The following DSCAM variants were observed in gnomAD, a reference collection of about 807,000 sequenced individuals.
DSCAM encodes DS cell adhesion molecule, also known as cell adhesion molecule DSCAM.
Under a neutral mutation model 217.7 loss-of-function variants are expected in DSCAM, and 47 were observed. That is an observed-to-expected ratio of 0.22 (90% CI 0.17 to 0.28). The LOEUF (loss-of-function observed/expected upper bound fraction) is 0.28, where lower values mean the gene tolerates loss of function less well. Among genes scored for constraint, DSCAM ranks in the 10% least tolerant of loss-of-function variants. The pLI is 1.00. For missense variants in DSCAM, 2,080 were observed against 2,618.3 expected, an observed-to-expected ratio of 0.79 and a Z score of 4.49; for synonymous variants, 1,056 against 1,015.3, an observed-to-expected ratio of 1.04 and a Z score of -0.76.
chr21:40,194,393 A>T (rs1198306842), intron 11 of DSCAM, among the ~76,000 whole-genome samples: 1 of 152,208 alleles, frequency 6.6e-6, no homozygotes, highest in Non-Finnish European at 1.5e-5. Context: ...ATGCCTAGAG[A>T]TGACAACATG....
At chr21:40,644,234 A>G (rs1176543526) in intron 3 of DSCAM, among the ~76,000 whole-genome samples, 4 of 152,340 alleles carry the variant, frequency 2.6e-5, no homozygotes, top group Admixed American at 2.6e-4. Flanking sequence ...CTTTCAAATA[A>G]AAGAGTACAA....
intron 27 of DSCAM, among the ~76,000 whole-genome samples, chr21:40,072,826 T>A (rs553632646): frequency 6.6e-6 from 1 of 152,312 alleles, no homozygotes. Flanking sequence ...AACCTTTGTG[T>A]TGGATTTACC....
chr21:40,734,385 A>C (rs2146531098), intron 1 of DSCAM, among the ~76,000 whole-genome samples: 1 of 152,332 alleles, frequency 6.6e-6, no homozygotes. Context: ...AGAAGGACCC[A>C]CAGCACATGG....
chr21:40,287,144 T>G (rs952494505), intron 10 of DSCAM, among the ~76,000 whole-genome samples: 1 of 151,790 alleles, frequency 6.6e-6, no homozygotes, highest in Non-Finnish European at 1.5e-5. Flanking sequence ...ATCTGCAGCA[T>G]GATCCACAGT....
intron 1 of DSCAM, among the ~76,000 whole-genome samples, chr21:40,740,866 T>C (rs2091116778): frequency 6.6e-6 from 1 of 152,236 alleles, no homozygotes; most frequent in African/African-American, 2.4e-5. Flanking sequence ...TAACAGAAGT[T>C]GATAATGATG....
intron 3 of DSCAM, among the ~76,000 whole-genome samples, chr21:40,652,948 C>T (rs1251820447): frequency 6.6e-6 from 1 of 152,068 alleles, no homozygotes; most frequent in Non-Finnish European, 1.5e-5. Context: ...GTGACTAACC[C>T]CTAATGAAAA....
chr21:40,065,154 G>A (rs2065315), intron 27 of DSCAM, among the ~76,000 whole-genome samples: 38,254 of 151,994 alleles, frequency 0.25, 5,183 homozygotes, highest in East Asian at 0.52. Context: ...AAAAGGGCAA[G>A]ATTTGGGATA....
intron 32 of DSCAM, among the ~76,000 whole-genome samples, chr21:40,039,575 TAG>T (rs895518900): frequency 3.3e-5 from 5 of 152,142 alleles, no homozygotes; most frequent in South Asian, 2.1e-4. Context: ...TATTTATGTA[TAG>T]AGAGAGAGTT....
intron 9 of DSCAM, among the ~76,000 whole-genome samples, chr21:40,305,389 CAAAA>C (rs58738453): frequency 2.9e-5 from 2 of 68,564 alleles, no homozygotes; most frequent in African/African-American, 4.2e-5. Flanking sequence ...GATCCCGTCT[CAAAA>C]AAAAAAAAAA....
chr21:40,369,293 C>G (rs769807256), intron 3 of DSCAM, 48 bp from the exon 4 acceptor site: 1 of 1,559,108 alleles, frequency 6.4e-7, no homozygotes, highest in South Asian at 1.2e-5. Flanking sequence ...ATGAAAGCAA[C>G]CCAACCACAC....
intron 3 of DSCAM, among the ~76,000 whole-genome samples, chr21:40,557,417 C>G (rs920391039): frequency 6.6e-6 from 1 of 152,078 alleles, no homozygotes. Context: ...TGCAGTGGTG[C>G]GATCTCAGCT....
intron 32 of DSCAM, among the ~76,000 whole-genome samples, chr21:40,017,971 T>C (rs1033238610): frequency 6.6e-6 from 1 of 152,272 alleles, no homozygotes; most frequent in African/African-American, 2.4e-5. Context: ...CTACCCATTA[T>C]AGACACTAAT....
intron 15 of DSCAM, 101 bp from the exon 16 acceptor site, chr21:40,167,389 G>T: frequency 1.0e-6 from 1 of 986,540 alleles, no homozygotes; most frequent in Non-Finnish European, 1.6e-6. Context: ...CCATCCCTAT[G>T]TTTGGCACAG....
intron 2 of DSCAM, among the ~76,000 whole-genome samples, chr21:40,700,318 G>A (rs536361344): frequency 1.6e-4 from 25 of 152,266 alleles, no homozygotes; most frequent in East Asian, 3.9e-4. Flanking sequence ...TATGATGTTC[G>A]CTATAGCAGG....
At chr21:40,121,077 GA>G (rs561074767) in intron 20 of DSCAM, among the ~76,000 whole-genome samples, 14 of 151,134 alleles carry the variant, frequency 9.3e-5, no homozygotes, top group African/African-American at 3.2e-4. Flanking sequence ...TCATTTCAAA[GA>G]AAAAAAAATT....
rs116508499 is a variant in DSCAM, at chr21:40,293,890, T to C, written c.2182+2165A>G. On this transcript the variant is annotated intron_variant, in intron 10 of 32. Transcript: ENST00000400454. Reference sequence around the variant, plus strand: ...ATGGCAAGACATACATAGTATATTGTTGACTGAAGAAAGATTATAAGCCAG... The same window carrying C: ...ATGGCAAGACATACATAGTATATTGCTGACTGAAGAAAGATTATAAGCCAG... Among the ~76,000 whole-genome samples the C allele has an allele frequency of 6.6e-3, 1,009 of 152,328 alleles. 15 individuals are homozygous for C. Among genetic ancestry groups the C allele is most frequent in the African/African-American group, 0.023 (950 of 41,580 alleles).
At chr21:40,225,505 C>T (rs1445123932) in intron 11 of DSCAM, among the ~76,000 whole-genome samples, 2 of 152,114 alleles carry the variant, frequency 1.3e-5, no homozygotes, top group Non-Finnish European at 2.9e-5. Flanking sequence ...GGCTAAAATC[C>T]TGCCAGATAT....
At chr21:40,563,222 A>G (rs984729806) in intron 3 of DSCAM, among the ~76,000 whole-genome samples, 60 of 152,142 alleles carry the variant, frequency 3.9e-4, no homozygotes, top group Admixed American at 3.2e-3. Context: ...TTTTTACTGA[A>G]AGTCATGCAA....
intron 20 of DSCAM, among the ~76,000 whole-genome samples, chr21:40,114,949 C>G (rs933716079): frequency 4.6e-5 from 7 of 152,160 alleles, no homozygotes; most frequent in African/African-American, 1.7e-4. Flanking sequence ...AATAGGAACA[C>G]TTTTACACTG....
Sources: allele counts gnomAD v4.1 joint callset (sites outside exome capture counted in the v4.1 genomes callset), GRCh38; gene constraint gnomAD v4.1.1; transcripts MANE v1.5; gene names NCBI Gene and HGNC (gene_info 2026-07-23, HGNC 2026-07-21).